The following RFPL3 variants were observed in gnomAD, a reference collection of about 807,000 sequenced individuals.
RFPL3 encodes ret finger protein-like 3.
Under a neutral mutation model 8.7 loss-of-function variants are expected in RFPL3, and 8 were observed. The ratio of observed to expected loss-of-function variants is 0.92; its 90% CI spans 0.54 to 1.66. The LOEUF is 1.66. RFPL3 is among the 40% of genes most tolerant of loss of function. RFPL3 has a pLI of 0.00. For missense variants in RFPL3, 341 were observed against 395.0 expected (o/e 0.86, Z 1.16); for synonymous variants, 145 against 150.5 (o/e 0.96, Z 0.27).
chr22:32,360,271 C>T lies in RFPL3; in HGVS notation c.393C>T (p.Ala131=), dbSNP rs201533287. Residue 131 remains alanine, a synonymous_variant, in exon 2 of 2, where the codon GCC becomes GCT. Transcript: ENST00000249007. ...TCACAGTGGATATGACCTTGGATGC[C>T]GACACAGCCAACAACTTCCTCCTCA... is the stretch of plus-strand genomic sequence containing the variant. ...RKFQVDMTLD[A]DTANNFLLIS... 16 of 1,613,204 alleles carry T rather than the reference C, an allele frequency of 9.9e-6. No homozygotes were observed. The highest frequency in any genetic ancestry group is 4.5e-5 in the East Asian group (2 of 44,884).
chr22:32,355,405 A>G (rs1932631397), upstream of RFPL3, among the ~76,000 whole-genome samples: 2 of 152,224 alleles, frequency 1.3e-5, no homozygotes, highest in East Asian at 1.9e-4. Context: ...CTGGAGCCCC[A>G]GAACCTGGGA....
chr22:32,355,929 G>A (rs58500302), upstream of RFPL3, among the ~76,000 whole-genome samples: 10,866 of 152,102 alleles, frequency 0.071, 820 homozygotes, highest in East Asian at 0.46. Context: ...TGCACAGCTG[G>A]GATACTACCT....
upstream of RFPL3, among the ~76,000 whole-genome samples, chr22:32,357,231 C>T (rs562136634): frequency 6.6e-6 from 1 of 152,192 alleles, no homozygotes; most frequent in South Asian, 2.1e-4. Flanking sequence ...ATTTCCAAGG[C>T]TGGAGAAGGA....
chr22:32,359,287 T>C (rs759714749), intron 1 of RFPL3, among the ~76,000 whole-genome samples: 2 of 152,202 alleles, frequency 1.3e-5, no homozygotes, highest in Non-Finnish European at 2.9e-5. Flanking sequence ...TCCTTGTCCA[T>C]GTCCATTCCC....
In RFPL3 at chr22:32,358,252, C is replaced by T. The variant is rs1281301027; in HGVS notation, c.181C>T (p.Leu61Phe). Residue 61 changes from leucine to phenylalanine, a missense_variant, in exon 1 of 2, where the codon CTC becomes TTC. Coordinates refer to ENST00000249007, the MANE Select transcript of RFPL3 (RefSeq NM_001098535.1). Reference sequence around the variant, plus strand: ...CCTGGAGTGTGGATGCACCGTCTGCCTCAAGTGCATCAATTCGCTGCAGAA... The same window carrying T: ...CCTGGAGTGTGGATGCACCGTCTGCTTCAAGTGCATCAATTCGCTGCAGAA... ...MSLECGCTVC[L>F]KCINSLQKEP... The T allele has an allele frequency of 1.9e-6, 3 of 1,613,970 alleles. No homozygotes were observed.
chr22:32,361,066 G>C lies in RFPL3; in HGVS notation c.*234G>C. The C allele has an allele frequency of 2.5e-6, 1 of 398,576 alleles. No individual in the cohort carries two copies. The highest frequency in any genetic ancestry group is 4.3e-6 in the Non-Finnish European group (1 of 230,294). 24.7% of individuals were successfully genotyped at this position (398,576 alleles called of 1,614,324 possible). ...TCCTATAGAAATGTTCTGTATTCTC[G>C]GATCAATTTCCAAATGCTTTACTTT... On this transcript the variant is annotated 3_prime_UTR_variant, in exon 2 of 2. Transcript: ENST00000249007.
upstream of RFPL3, chr22:32,357,756 C>T (rs943841380): frequency 7.8e-5 from 65 of 832,028 alleles, no homozygotes; most frequent in Admixed American, 1.6e-4. Flanking sequence ...CATGAGCCAT[C>T]GTGCCCAGCC....
In RFPL3 at chr22:32,360,574, G is replaced by A. The variant is rs372275875; in HGVS notation, c.696G>A (p.Pro232=). Residue 232 remains proline, a synonymous_variant, in exon 2 of 2, where the codon CCG becomes CCA. Coordinates refer to ENST00000249007, the MANE Select transcript of RFPL3 (RefSeq NM_001098535.1). The stretch of plus-strand genomic sequence containing the variant: ...GCCGCCTCTCTGCCAGCACGGTGCC[G>A]CTGACTTTCCTCTTAGTAGACCGCA... The part of the protein sequence containing the change: ...DGSRLSASTV[P]LTFLLVDRKL... 9.3e-6 allele frequency: 15 copies of A among 1,613,914 alleles called. No homozygotes were observed. The highest frequency in any genetic ancestry group is 2.2e-5 in the South Asian group (2 of 91,060).
rs570851278 is a variant in RFPL3, at chr22:32,360,570, T to A, written c.692T>A (p.Val231Glu). The A allele has an allele frequency of 6.2e-7, 1 of 1,613,958 alleles. No individual in the cohort carries two copies. The highest frequency in any genetic ancestry group is 8.5e-7 in the Non-Finnish European group (1 of 1,179,858). ...RDGSRLSASTVPLTFLLVDRK... is the reference protein window; with the variant it reads ...RDGSRLSASTEPLTFLLVDRK... ...GGAAGCCGCCTCTCTGCCAGCACGG[T>A]GCCGCTGACTTTCCTCTTAGTAGAC... Residue 231 changes from valine (V) to glutamate (E), a missense_variant, in exon 2 of 2, where the codon GTG becomes GAG. Physicochemically the swap from Val to Glu is moderately radical, Grantham distance 121. Transcript: ENST00000249007.
At chr22:32,358,563 C>G in intron 1 of RFPL3, 119 bp downstream of exon 1, 1 of 1,388,508 alleles carries the variant, frequency 7.2e-7, no homozygotes, top group Non-Finnish European at 9.8e-7. Context: ...AATTGAGATG[C>G]TTCATCATCA....
chr22:32,356,767 G>A, upstream of RFPL3: 1 of 384,738 alleles, frequency 2.6e-6, no homozygotes, highest in Non-Finnish European at 5.2e-6. Flanking sequence ...CACTGGTCGG[G>A]TGTCAGGCTC....
chr22:32,357,472 CTT>C (rs3070381), upstream of RFPL3, among the ~76,000 whole-genome samples: 3 of 145,102 alleles, frequency 2.1e-5, no homozygotes, highest in Non-Finnish European at 1.5e-5. Context: ...ATCCAGCCCC[CTT>C]TTTTTTTTTT....
At position 32,360,803 on chromosome 22, in the gene RFPL3, G is replaced by A. The variant is rs1569432014; in HGVS notation, c.925G>A (p.Ala309Thr). 2 of 1,569,986 alleles carry A rather than the reference G, an allele frequency of 1.3e-6. No individual in the cohort carries two copies. The highest frequency in any genetic ancestry group is 1.7e-6 in the Non-Finnish European group (2 of 1,157,852). Reference sequence around the variant, plus strand: ...TTTGATGAACTCAGGCACTACTGATGCTCCAGTCCGTCCTGGGGAGGCCAA... The same window carrying A: ...TTTGATGAACTCAGGCACTACTGATACTCCAGTCCGTCCTGGGGAGGCCAA... ...CPLMNSGTTDAPVRPGEAK is the reference protein window; with the variant it reads ...CPLMNSGTTDTPVRPGEAK The change falls in exon 2 of 2, where the codon GCT becomes ACT. Residue 309 changes from alanine to threonine, a missense_variant. Transcript: ENST00000249007.
At chr22:32,356,743 T>C (rs542460767), upstream of RFPL3, 13 of 376,960 alleles carry the variant, frequency 3.4e-5, no homozygotes, top group East Asian at 9.9e-4. Context: ...CAGCTGTAGC[T>C]GCTGCAGGAC....
At chr22:32,357,585 G>A (rs1228054512), upstream of RFPL3, among the ~76,000 whole-genome samples, 1 of 152,058 alleles carries the variant, frequency 6.6e-6, no homozygotes, top group Non-Finnish European at 1.5e-5. Flanking sequence ...TCCTGCCAAA[G>A]CCTCCCAAGT....
At chr22:32,355,781 CAAA>C (rs5844988), upstream of RFPL3, among the ~76,000 whole-genome samples, 28 of 99,966 alleles carry the variant, frequency 2.8e-4, no homozygotes, top group African/African-American at 8.2e-4. Flanking sequence ...GACTTTGTCT[CAAA>C]AAAAAAAAAA....
At position 32,361,145 on chromosome 22, in the gene RFPL3, T is replaced by C. The variant is rs1034609945; in HGVS notation, c.*313T>C. On this transcript the variant is annotated 3_prime_UTR_variant, in exon 2 of 2. Coordinates refer to ENST00000249007, the MANE Select transcript of RFPL3 (RefSeq NM_001098535.1). Reference sequence around the variant, plus strand: ...TAAATTATAGAAGTTATGAGGTAAATAAACATTTGGATATCACCTAATGCA... The same window carrying C: ...TAAATTATAGAAGTTATGAGGTAAACAAACATTTGGATATCACCTAATGCA... 6.4e-5 allele frequency: 15 copies of C among 235,392 alleles called. No homozygotes were observed. Among genetic ancestry groups the C allele is most frequent in the African/African-American group, 2.9e-4 (13 of 44,190 alleles). The allele number at this position is 235,392 out of a possible 1,614,324, so 14.6% of individuals were successfully genotyped here. A position where few individuals can be genotyped will look rare whatever the true frequency, so the allele number is the denominator to read the frequency against.
At chr22:32,356,892 A>T (rs1330964631), upstream of RFPL3, 1 of 474,222 alleles carries the variant, frequency 2.1e-6, no homozygotes, top group Admixed American at 2.4e-5. Flanking sequence ...TCCCGGGTAG[A>T]AGCCACTCAT....
In RFPL3 at chr22:32,360,465, T is replaced by G. The variant is rs1932770866; in HGVS notation, c.587T>G (p.Val196Gly). The change falls in exon 2 of 2, where the codon GTC becomes GGC. Residue 196 changes from valine to glycine, a missense_variant. Transcript: ENST00000249007. ...ACAAGCACAGAATGGGACCTGGGAGTCTGCAGAGAATCTGTTCACTGCAAA... is the reference window on the plus strand; with the variant it reads ...ACAAGCACAGAATGGGACCTGGGAGGCTGCAGAGAATCTGTTCACTGCAAA... ...VGTSTEWDLG[V>G]CRESVHCKGK... 1 of 1,613,472 alleles carries G rather than the reference T, an allele frequency of 6.2e-7. No individual in the cohort carries two copies. Among genetic ancestry groups the G allele is most frequent in the Non-Finnish European group, 8.5e-7 (1 of 1,179,818 alleles).
Sources: gnomAD v4.1 joint callset for allele counts (sites outside exome capture counted in the v4.1 genomes callset) on GRCh38, gnomAD v4.1.1 for gene constraint, MANE v1.5 for transcripts, NCBI Gene and HGNC (gene_info 2026-07-23, HGNC 2026-07-21) for gene names.